Variants in MECOM observed in about 807,000 individuals in gnomAD.
MECOM encodes MDS1 and EVI1 complex locus.
In MECOM, 13 loss-of-function variants were observed where a neutral mutation model predicts 116.3. That is an observed-to-expected ratio of 0.11 (90% CI 0.07 to 0.18). The LOEUF is 0.18. Among genes scored for constraint, MECOM ranks in the 10% least tolerant of loss-of-function variants. The pLI, the probability that MECOM is intolerant of heterozygous loss-of-function variation, is 1.00. For missense variants in MECOM, 1,299 were observed against 1,509.0 expected (o/e 0.86, Z 2.31); for synonymous variants, 528 against 535.2 (o/e 0.99, Z 0.19).
At chr3:169,103,903 G>A (rs190190960) in intron 10 of MECOM, among the ~76,000 whole-genome samples, 2 of 152,176 alleles carry the variant, frequency 1.3e-5, no homozygotes, top group African/African-American at 4.8e-5. Flanking sequence ...CCTGGAGCCT[G>A]CCCTCTCATT....
At chr3:169,334,400 C>A (rs1437987859) in intron 2 of MECOM, among the ~76,000 whole-genome samples, 2 of 152,152 alleles carry the variant, frequency 1.3e-5, no homozygotes, top group African/African-American at 4.8e-5. Context: ...ACATGGTTCT[C>A]AAAGTTAGAA....
chr3:169,096,847 T>C (rs1560130010), intron 12 of MECOM, among the ~76,000 whole-genome samples: 1 of 152,130 alleles, frequency 6.6e-6, no homozygotes, highest in African/African-American at 2.4e-5. Context: ...ACTGATTTGA[T>C]TTTTCCCCCT....
chr3:169,290,781 A>AT (rs550027664), intron 2 of MECOM, among the ~76,000 whole-genome samples: 46 of 152,282 alleles, frequency 3.0e-4, no homozygotes, highest in African/African-American at 1.1e-3. Context: ...GCAAAAAATC[A>AT]TTTCTCGAGT....
At chr3:169,644,923 C>T (rs1773972648) in intron 1 of MECOM, among the ~76,000 whole-genome samples, 1 of 152,124 alleles carries the variant, frequency 6.6e-6, no homozygotes, top group African/African-American at 2.4e-5. Context: ...CACACTCATG[C>T]CTCTTTACTG....
intron 1 of MECOM, among the ~76,000 whole-genome samples, chr3:169,596,928 A>G (rs1350622161): frequency 1.3e-5 from 2 of 152,138 alleles, no homozygotes; most frequent in African/African-American, 4.8e-5. Context: ...ATTCAAATAG[A>G]GTGTATCAAA....
At position 169,273,056 on chromosome 3, in the gene MECOM, C is replaced by G. The variant is rs74451023; in HGVS notation, c.375+108131G>C. Among the ~76,000 whole-genome samples, 49 of 152,166 alleles carry G rather than the reference C, an allele frequency of 3.2e-4. No homozygotes were observed. The East Asian group carries it at 7.6e-3, about 23-fold the overall frequency. On this transcript the variant is annotated intron_variant, in intron 2 of 16. Coordinates refer to ENST00000651503, the MANE Select transcript of MECOM (RefSeq NM_004991.4). ...CACAGAAATATGAAAAACAGGTAGTCAGCTACAGAATAGGAAATTGAGATA... is the reference window on the plus strand; with the variant it reads ...CACAGAAATATGAAAAACAGGTAGTGAGCTACAGAATAGGAAATTGAGATA...
chr3:169,480,164 T>C (rs1412637643), intron 1 of MECOM, among the ~76,000 whole-genome samples: 1 of 152,240 alleles, frequency 6.6e-6, no homozygotes, highest in Admixed American at 6.5e-5. Flanking sequence ...AGAATTCAAA[T>C]ATAATTGTGT....
rs185182736 is a variant in MECOM at position 169,629,536 on chromosome 3, C to G, written c.37+33800G>C. Among the ~76,000 whole-genome samples, 3 of 152,232 alleles carry G rather than the reference C, an allele frequency of 2.0e-5. No individual in the cohort carries two copies. In the East Asian group the frequency reaches 5.8e-4, roughly 29 times the overall value. ...ACTAAATAGTAAACTAATAACAACT[C>G]TACTCCCCAGCCGAGAGCTCCTGCT... On this transcript the variant is annotated intron_variant, in intron 1 of 16. Coordinates refer to ENST00000651503, the MANE Select transcript of MECOM (RefSeq NM_004991.4).
At chr3:169,457,862 A>G (rs1746782656) in intron 1 of MECOM, among the ~76,000 whole-genome samples, 1 of 152,202 alleles carries the variant, frequency 6.6e-6, no homozygotes, top group Non-Finnish European at 1.5e-5. Context: ...AAAAGCATAC[A>G]CGAAAATGTG....
At chr3:169,204,293 T>C (rs567727958) in intron 2 of MECOM, among the ~76,000 whole-genome samples, 1 of 152,302 alleles carries the variant, frequency 6.6e-6, no homozygotes, top group African/African-American at 2.4e-5. Flanking sequence ...AGGAACTGCA[T>C]CTTGATGGAG....
rs892774193 is a variant in MECOM, at chr3:169,611,464, T to C, written c.37+51872A>G. ...TCTGATGAATGAATGAATGATGGAA[T>C]AAACACCAACATGGGCAAACAAGCA... On this transcript the variant is annotated intron_variant, in intron 1 of 16. Coordinates refer to ENST00000651503, the MANE Select transcript of MECOM (RefSeq NM_004991.4). The surrounding 1 kb of genome is among the most constrained non-coding windows in gnomAD (Gnocchi z 4.1). Among the ~76,000 whole-genome samples the C allele has an allele frequency of 1.3e-5, 2 of 152,160 alleles. No individual in the cohort carries two copies. The highest frequency in any genetic ancestry group is 4.8e-5 in the African/African-American group (2 of 41,438).
intron 1 of MECOM, among the ~76,000 whole-genome samples, chr3:169,422,677 G>A (rs1012335349): frequency 6.6e-5 from 10 of 151,958 alleles, no homozygotes; most frequent in Non-Finnish European, 1.5e-4. Flanking sequence ...CAAGCCTTAA[G>A]AATTAAATTT....
intron 2 of MECOM, among the ~76,000 whole-genome samples, chr3:169,186,349 G>A (rs1184620253): frequency 4.6e-5 from 2 of 43,482 alleles, no homozygotes; most frequent in African/African-American, 2.4e-4. Context: ...GGGAGGGAAG[G>A]AAGGAAGGAA....
At chr3:169,177,118 A>G (rs1745286348) in intron 2 of MECOM, among the ~76,000 whole-genome samples, 1 of 152,228 alleles carries the variant, frequency 6.6e-6, no homozygotes, top group South Asian at 2.1e-4. Flanking sequence ...CTTACTGGGT[A>G]TATACCCAAA....
At chr3:169,200,224 C>T (rs1748967470) in intron 2 of MECOM, among the ~76,000 whole-genome samples, 2 of 152,040 alleles carry the variant, frequency 1.3e-5, no homozygotes, top group Non-Finnish European at 2.9e-5. Context: ...TGCTCTGCTG[C>T]AATAATTGAC....
At chr3:169,594,946 T>C (rs1025392440) in intron 1 of MECOM, among the ~76,000 whole-genome samples, 5 of 150,950 alleles carry the variant, frequency 3.3e-5, no homozygotes, top group African/African-American at 1.2e-4. Context: ...AGGGCTGGAC[T>C]GATTTAATTT....
At chr3:169,536,589 T>G (rs1576767113) in intron 1 of MECOM, among the ~76,000 whole-genome samples, 1 of 151,098 alleles carries the variant, frequency 6.6e-6, no homozygotes, top group Non-Finnish European at 1.5e-5. Flanking sequence ...TTAGTGGAGC[T>G]AGAGTTCTGA....
intron 2 of MECOM, among the ~76,000 whole-genome samples, chr3:169,312,959 G>T (rs192908261): frequency 1.3e-5 from 2 of 152,292 alleles, no homozygotes; most frequent in East Asian, 3.9e-4. Context: ...GAATGAGCAT[G>T]AAGAGAGATG....
rs547084047 is a variant in MECOM at position 169,381,337 on chromosome 3, G to A, written c.225C>T (p.Pro75=). 6.2e-7 allele frequency: 1 copy of A among 1,613,876 alleles called. No homozygotes were observed. The highest frequency in any genetic ancestry group is 1.3e-5 in the African/African-American group (1 of 75,036). Residue 75 remains proline, a synonymous_variant, in exon 2 of 17, where the codon CCC becomes CCT. Coordinates refer to ENST00000651503, the MANE Select transcript of MECOM (RefSeq NM_004991.4). ...CTCGAAGTTCAAACTCAGCAGGAAT[G>A]GGGATATCATCAGGGATGTAGATGG... ...KAPIYIPDDI[P]IPAEFELRES... is the part of the protein sequence containing the mutation.
Sources: gnomAD v4.1 joint callset for allele counts (sites outside exome capture counted in the v4.1 genomes callset) on GRCh38, gnomAD v4.1.1 for gene constraint, Gnocchi (gnomAD v3.1) non-coding constraint, MANE v1.5 for transcripts, NCBI Gene and HGNC (gene_info 2026-07-23, HGNC 2026-07-21) for gene names.